Variants in EML3 observed in about 807,000 individuals in gnomAD.
EML3 encodes the protein echinoderm microtubule-associated protein-like 3.
In EML3, 53 loss-of-function variants were observed where a neutral mutation model predicts 106.7. The ratio of observed to expected loss-of-function variants is 0.50; its 90% CI spans 0.40 to 0.62. EML3 has a LOEUF of 0.62. EML3 is among the 20% of genes least tolerant of loss of function. EML3 has a pLI of 0.00. For missense variants in EML3, 994 were observed against 1,209.1 expected, an observed-to-expected ratio of 0.82 and a Z score of 2.64; for synonymous variants, 499 against 489.6, an observed-to-expected ratio of 1.02 and a Z score of -0.25.
chr11:62,608,122 G>A lies in EML3; in HGVS notation c.1206+79C>T, dbSNP rs533447016. ...CCAGCCAAAAAGGAAGGAAATGTAT[G>A]GGTGAGTCTGGAGCTCCCTGCACTC... On this transcript the variant is annotated intron_variant, in intron 10 of 21. Coordinates refer to ENST00000394773, the MANE Select transcript of EML3 (RefSeq NM_153265.3). 1.3e-4 allele frequency: 175 copies of A among 1,347,694 alleles called. No homozygotes were observed. In the African/African-American group the frequency reaches 2.1e-3, roughly 16 times the overall value. The allele number at this position is 1,347,694 out of a possible 1,614,324, so 83.5% of individuals were successfully genotyped here. A position where few individuals can be genotyped will look rare whatever the true frequency, so the allele number is the denominator to read the frequency against.
At position 62,608,248 on chromosome 11, in the gene EML3, G is replaced by A; in HGVS notation, c.1159C>T (p.Leu387=). 1.2e-6 allele frequency: 2 copies of A among 1,613,960 alleles called. No individual in the cohort carries two copies. Among genetic ancestry groups the A allele is most frequent in the Non-Finnish European group, 1.7e-6 (2 of 1,180,024 alleles). Residue 387 remains leucine, a synonymous_variant, in exon 10 of 22, where the codon CTG becomes TTG. Coordinates refer to ENST00000394773, the MANE Select transcript of EML3 (RefSeq NM_153265.3). ...CVVDDSNEHM[L]SVWDCSRGMK... ...CCCCGGCTGCAGTCCCACACCGACA[G>A]CATGTGCTCATTGGAATCATCCACC...
At chr11:62,604,325 G>C (rs1942405745) in intron 16 of EML3, 124 bp from the exon 17 acceptor site, 5 of 709,394 alleles carry the variant, frequency 7.0e-6, no homozygotes, top group Admixed American at 4.4e-5. Flanking sequence ...GACACACACA[G>C]AAAGGCTCTG....
chr11:62,611,088 T>A lies in EML3; in HGVS notation c.451A>T (p.Thr151Ser), dbSNP rs1942792207. The part of the protein sequence containing the change: ...RPLQPPQRAD[T>S]PRRNSSSSSS... ...GCCACAGGGCCACAGGACACCTACG[T>A]GTCAGCACGCTGTGGGGGCTGCAAG... Residue 151 changes from threonine to serine, a missense_variant and splice_region_variant, in exon 3 of 22, where the codon ACG becomes TCG. By Grantham distance (58) the Thr-to-Ser change is moderately conservative (BLOSUM62 1). This residue lies in a region of EML3 where 269 missense variants were observed against 265.1 expected (regional missense o/e 1.01). Transcript: ENST00000394773. 6.3e-7 allele frequency: 1 copy of A among 1,599,224 alleles called. No homozygotes were observed. Among genetic ancestry groups the A allele is most frequent in the East Asian group, 2.2e-5 (1 of 44,744 alleles).
chr11:62,603,977 A>G lies in EML3; in HGVS notation c.2136T>C (p.Asp712=), dbSNP rs748928600. The part of the protein sequence containing the change: ...NVIYIYSVSS[D]GAKSSRFGRC... ...GGCCAAAGCGGCTGGATTTGGCACCATCACTGGAAACACTATAGATGTAGA... is the reference window on the plus strand; with the variant it reads ...GGCCAAAGCGGCTGGATTTGGCACCGTCACTGGAAACACTATAGATGTAGA... The change falls in exon 18 of 22, where the codon GAT becomes GAC. Residue 712 remains aspartate (D), a synonymous_variant. Coordinates refer to ENST00000394773, the MANE Select transcript of EML3 (RefSeq NM_153265.3). 8.1e-6 allele frequency: 13 copies of G among 1,614,132 alleles called. No homozygotes were observed. Among genetic ancestry groups the G allele is most frequent in the Non-Finnish European group, 1.0e-5 (12 of 1,180,034 alleles).
At chr11:62,603,113 C>T (rs1288557917) in intron 20 of EML3, 36 bp downstream of exon 20, 1 of 1,611,126 alleles carries the variant, frequency 6.2e-7, no homozygotes, top group Non-Finnish European at 8.5e-7. Context: ...CACCTTGTCC[C>T]CCACCCTTCC....
At chr11:62,606,237 A>G (rs1398271199) in intron 12 of EML3, 23 bp from the exon 13 acceptor site, 1 of 1,610,542 alleles carries the variant, frequency 6.2e-7, no homozygotes, top group Non-Finnish European at 8.5e-7. Context: ...CCCCAGGTAG[A>G]TCATGTTTTG....
chr11:62,612,036 A>G (rs1443165958), intron 1 of EML3: 5 of 376,312 alleles, frequency 1.3e-5, no homozygotes, highest in African/African-American at 2.1e-5. Context: ...GCGGGAATGG[A>G]GTCATACTGA....
intron 1 of EML3, 106 bp downstream of exon 1, chr11:62,612,330 G>A: frequency 8.5e-7 from 1 of 1,172,636 alleles, no homozygotes; most frequent in Non-Finnish European, 1.2e-6. Flanking sequence ...CCCCTGGGGC[G>A]GAGGAGCACG....
rs1173958915 is a variant in EML3, at chr11:62,612,433, C to T, written c.22+3G>A. ...CACGCCGCCCGCCCCGCCCCGTACT[C>T]ACCGGGCCCCGCGGCCCCGTCCATC... is the stretch of plus-strand genomic sequence containing the variant. On this transcript the variant is annotated splice_donor_region_variant and intron_variant, in intron 1 of 21. Coordinates refer to ENST00000394773, the MANE Select transcript of EML3 (RefSeq NM_153265.3). The T allele has an allele frequency of 6.8e-6, 10 of 1,479,042 alleles. No homozygotes were observed. The Admixed American group carries it at 2.1e-4, about 31-fold the overall frequency. 91.6% of individuals were successfully genotyped at this position (1,479,042 alleles called of 1,614,324 possible).
At chr11:62,604,279 GGTAGGC>G in intron 16 of EML3, 78 bp from the exon 17 acceptor site, 2 of 1,282,200 alleles carry the variant, frequency 1.6e-6, no homozygotes, top group Non-Finnish European at 1.1e-6. Context: ...GGCCACCCTG[GGTAGGC>G]TTGGGGATGG....
chr11:62,603,894 T>A (rs768437332), intron 18 of EML3, 50 bp downstream of exon 18: 2 of 1,611,252 alleles, frequency 1.2e-6, no homozygotes, highest in South Asian at 1.1e-5. Context: ...ATCAGACCCC[T>A]GAGTTTCGCA....
chr11:62,604,041 T>TGA lies in EML3; in HGVS notation c.2072-1_2072insTC (p.Asp691ValfsTer14). 6.2e-7 allele frequency: 1 copy of TGA among 1,614,070 alleles called. No homozygotes were observed. Among genetic ancestry groups the TGA allele is most frequent in the Non-Finnish European group, 8.5e-7 (1 of 1,180,018 alleles). ...GGAACCAATGGCCAGGTACAACCCA[T>TGA]CTGCAAATACAGTCACTCAGAGAGG... On this transcript the variant is annotated frameshift_variant and splice_region_variant. Transcript: ENST00000394773. LOFTEE classifies it high-confidence loss of function.
In EML3 at chr11:62,603,796, A is replaced by G; in HGVS notation, c.2190T>C (p.Thr730=). ...TCCCATCCTTGGACCAGTCAAGATG[A>G]GTGATGAAGCTGGAGTGACCCTGGG... ...GRCMGHSSFI[T]HLDWSKDGNF... is the part of the protein sequence containing the mutation. The change falls in exon 19 of 22, where the codon ACT becomes ACC. Residue 730 remains threonine (T), a synonymous_variant. Coordinates refer to ENST00000394773, the MANE Select transcript of EML3 (RefSeq NM_153265.3). 1 of 1,614,144 alleles carries G rather than the reference A, an allele frequency of 6.2e-7. No individual in the cohort carries two copies. The highest frequency in any genetic ancestry group is 8.5e-7 in the Non-Finnish European group (1 of 1,180,026).
At position 62,602,311 on chromosome 11, in the gene EML3, G is replaced by T. The variant is rs1290837898; in HGVS notation, c.*164C>A. The T allele has an allele frequency of 3.2e-6, 5 of 1,550,984 alleles. No individual in the cohort carries two copies. In the South Asian group the frequency reaches 5.9e-5, roughly 18 times the overall value. On this transcript the variant is annotated 3_prime_UTR_variant, in exon 22 of 22. Transcript: ENST00000394773. ...GGCTCAGCCAGCGGGTCTAAACAGT[G>T]TGTGCAGGGGCGCCGTTCGCGCCCT...
intron 4 of EML3, among the ~76,000 whole-genome samples, chr11:62,610,321 TC>T (rs1447518399): frequency 6.6e-6 from 1 of 152,160 alleles, no homozygotes; most frequent in Non-Finnish European, 1.5e-5. Flanking sequence ...AGAATGAACA[TC>T]CGGGTGTCCT....
intron 9 of EML3, 27 bp downstream of exon 9, chr11:62,608,515 G>C: frequency 6.2e-7 from 1 of 1,601,422 alleles, no homozygotes; most frequent in African/African-American, 1.3e-5. Flanking sequence ...CAAGAATGGG[G>C]GTCTAGAGGC....
chr11:62,610,791 C>T lies in EML3; in HGVS notation c.566+88G>A, dbSNP rs561296668. On this transcript the variant is annotated intron_variant, in intron 4 of 21. Coordinates refer to ENST00000394773, the MANE Select transcript of EML3 (RefSeq NM_153265.3). ...TTCCTGTTGGGCAATCAGGTCCCCCCACCCCAACCAGGGATGTGAGGTGAG... is the reference window on the plus strand; with the variant it reads ...TTCCTGTTGGGCAATCAGGTCCCCCTACCCCAACCAGGGATGTGAGGTGAG... 4 of 1,193,548 alleles carry T rather than the reference C, an allele frequency of 3.4e-6. No homozygotes were observed. In the South Asian group the frequency reaches 4.0e-5, roughly 12 times the overall value. 73.9% of individuals were successfully genotyped at this position (1,193,548 alleles called of 1,614,324 possible). A position where few individuals can be genotyped will look rare whatever the true frequency, so the allele number is the denominator to read the frequency against.
intron 16 of EML3, among the ~76,000 whole-genome samples, chr11:62,604,462 C>G (rs959806972): frequency 2.1e-4 from 32 of 152,106 alleles, no homozygotes; most frequent in Non-Finnish European, 1.8e-4. Context: ...AACGCAACCT[C>G]CACCTCCTGG....
intron 12 of EML3, 94 bp downstream of exon 12, chr11:62,606,864 A>C: frequency 7.1e-7 from 1 of 1,412,068 alleles, no homozygotes; most frequent in Non-Finnish European, 9.4e-7. Context: ...CTCAAAAAAA[A>C]AAAAAAAAAA....
Sources: allele counts gnomAD v4.1 joint callset (sites outside exome capture counted in the v4.1 genomes callset), GRCh38; gene constraint gnomAD v4.1.1; regional missense constraint gnomAD v4.1.1; transcripts MANE v1.5; gene names NCBI Gene and HGNC (gene_info 2026-07-23, HGNC 2026-07-21).